The following ARID1B variants were observed in gnomAD, a reference collection of about 807,000 sequenced individuals.
The protein encoded by ARID1B is AT-rich interaction domain 1B.
A neutral mutation model predicts 212.3 loss-of-function variants in ARID1B; 30 were observed. That is an observed-to-expected ratio of 0.14 (90% CI 0.11 to 0.19). ARID1B has a LOEUF of 0.19. Among genes scored for constraint, ARID1B ranks in the 10% least tolerant of loss-of-function variants. The probability of loss-of-function intolerance (pLI) is 1.00; values close to 1 mark genes in which losing one functional copy is unlikely to be tolerated. For synonymous variants in ARID1B, 1,402 were observed against 1,301.7 expected, an observed-to-expected ratio of 1.08 and a Z score of -1.66; for missense variants, 2,891 against 3,204.0, an observed-to-expected ratio of 0.90 and a Z score of 2.36.
In ARID1B at chr6:157,186,722, A is replaced by G. The variant is rs571689599; in HGVS notation, c.3919+2287A>G. 2.2e-3 allele frequency: 779 copies of G among 349,996 alleles called. 13 individuals are homozygous for G. Among genetic ancestry groups the G allele is most frequent in the South Asian group, 0.017 (757 of 45,082 alleles). The allele number at this position is 349,996 out of a possible 1,614,324, so 21.7% of individuals were successfully genotyped here. ...CACTTTTTCCTGGAAGAACATAATT[A>G]TAGTTTATTTTTTACCAGCACATTC... On this transcript the variant is annotated intron_variant, in intron 13 of 19. Transcript: ENST00000636930.
At chr6:157,202,038 C>T (rs1360048994) in intron 18 of ARID1B, among the ~76,000 whole-genome samples, 10 of 152,066 alleles carry the variant, frequency 6.6e-5, no homozygotes, top group African/African-American at 1.7e-4. Context: ...AGTGAATTTC[C>T]GTGGGAAAAA....
chr6:157,153,182 A>C (rs1014683563), intron 8 of ARID1B, among the ~76,000 whole-genome samples: 1 of 152,246 alleles, frequency 6.6e-6, no homozygotes, highest in Non-Finnish European at 1.5e-5. Flanking sequence ...GCTGCATTGA[A>C]TAAATTAAGA....
intron 4 of ARID1B, among the ~76,000 whole-genome samples, chr6:157,002,701 T>C (rs1260345287): frequency 6.6e-6 from 1 of 152,254 alleles, no homozygotes; most frequent in Non-Finnish European, 1.5e-5. Context: ...TGATCTTTCA[T>C]TCAGCCCATT....
chr6:156,790,153 G>A (rs920734168), intron 1 of ARID1B, among the ~76,000 whole-genome samples: 1 of 152,162 alleles, frequency 6.6e-6, no homozygotes, highest in Non-Finnish European at 1.5e-5. Flanking sequence ...GTTTACTGTA[G>A]TTTGCCTGTT....
At chr6:157,039,544 A>C (rs948407876) in intron 4 of ARID1B, among the ~76,000 whole-genome samples, 1 of 152,002 alleles carries the variant, frequency 6.6e-6, no homozygotes, top group Middle Eastern at 3.4e-3. Context: ...GTTACCCAGG[A>C]TGGGACATTT....
chr6:156,808,842 C>T (rs1032468715), intron 1 of ARID1B, among the ~76,000 whole-genome samples: 3 of 152,092 alleles, frequency 2.0e-5, no homozygotes, highest in Admixed American at 6.5e-5. Flanking sequence ...TTTTTAGAGG[C>T]ACTAAAATCC....
chr6:156,796,844 G>A (rs1055759606), intron 1 of ARID1B, among the ~76,000 whole-genome samples: 1 of 152,222 alleles, frequency 6.6e-6, no homozygotes, highest in Non-Finnish European at 1.5e-5. Flanking sequence ...TGGGGTGGGC[G>A]TAGGAGCAGA....
At chr6:156,942,472 C>T (rs1309825096) in intron 4 of ARID1B, 1 of 152,278 alleles carries the variant, frequency 6.6e-6, no homozygotes, top group Non-Finnish European at 1.5e-5. Flanking sequence ...CCATGGGCCT[C>T]AGGCCAGCAG....
intron 6 of ARID1B, among the ~76,000 whole-genome samples, chr6:157,132,052 T>C (rs2128582018): frequency 6.6e-6 from 1 of 152,286 alleles, no homozygotes; most frequent in African/African-American, 2.4e-5. Context: ...TCCTGAAAGT[T>C]ATTCTGGCAC....
rs2114998583 is a variant in ARID1B, at chr6:156,779,195, G to A, written c.1515G>A (p.Leu505=). 1.5e-6 allele frequency: 2 copies of A among 1,331,082 alleles called. No individual in the cohort carries two copies. The highest frequency in any genetic ancestry group is 2.5e-5 in the Admixed American group (1 of 40,672). The allele number at this position is 1,331,082 out of a possible 1,614,324, so 82.5% of individuals were successfully genotyped here. A position where few individuals can be genotyped will look rare whatever the true frequency, so the allele number is the denominator to read the frequency against. The change falls in exon 1 of 20, where the codon CTG becomes CTA. Residue 505 remains leucine (L), a synonymous_variant. Transcript: ENST00000636930. ...GGGCCACCCCGACCCTCAATCAGCT[G>A]CTCACCTCGCCCAGCCCCATGATGC... ...PSGATPTLNQ[L]LTSPSPMMRS...
At chr6:156,828,218 C>T (rs754757459) in intron 1 of ARID1B, among the ~76,000 whole-genome samples, 1 of 152,160 alleles carries the variant, frequency 6.6e-6, no homozygotes, top group Non-Finnish European at 1.5e-5. Flanking sequence ...CCTGCCACCA[C>T]GCCTGGCTAA....
intron 2 of ARID1B, among the ~76,000 whole-genome samples, chr6:156,871,032 ATTAGTAT>A (rs1403018540): frequency 1.3e-5 from 2 of 152,164 alleles, no homozygotes; most frequent in Admixed American, 6.5e-5. Context: ...CCTAAAAGAG[ATTAGTAT>A]TTATGTCAGT....
chr6:156,856,936 A>G (rs952551191), intron 2 of ARID1B, among the ~76,000 whole-genome samples: 15 of 152,274 alleles, frequency 9.9e-5, no homozygotes, highest in South Asian at 8.3e-4. Context: ...AGGATGGGCT[A>G]TCTGACCTCA....
At chr6:156,837,849 G>A (rs1344121278) in intron 2 of ARID1B, among the ~76,000 whole-genome samples, 1 of 152,164 alleles carries the variant, frequency 6.6e-6, no homozygotes, top group Non-Finnish European at 1.5e-5. Context: ...CTCAGGCCTC[G>A]AGAGCAACTC....
intron 4 of ARID1B, among the ~76,000 whole-genome samples, chr6:157,003,727 C>A (rs549727438): frequency 1.8e-4 from 27 of 152,322 alleles, no homozygotes; most frequent in South Asian, 2.1e-4. Flanking sequence ...CTTGCTCTGT[C>A]ACCCAGGCTG....
chr6:157,162,818 A>G (rs991445891), intron 8 of ARID1B, among the ~76,000 whole-genome samples: 3 of 152,158 alleles, frequency 2.0e-5, no homozygotes, highest in Non-Finnish European at 4.4e-5. Context: ...TCACCCCCAC[A>G]GTGTGCATCT....
intron 5 of ARID1B, among the ~76,000 whole-genome samples, chr6:157,106,130 C>T (rs1309715377): frequency 6.6e-6 from 1 of 152,124 alleles, no homozygotes; most frequent in African/African-American, 2.4e-5. Context: ...TGTCTAAATG[C>T]CCATACACAG....
intron 2 of ARID1B, among the ~76,000 whole-genome samples, chr6:156,889,865 A>G (rs1386066891): frequency 6.6e-6 from 1 of 152,196 alleles, no homozygotes; most frequent in Non-Finnish European, 1.5e-5. Context: ...TTGGTTGACT[A>G]TACATTTGTT....
At chr6:157,117,007 A>G (rs988234339) in intron 6 of ARID1B, among the ~76,000 whole-genome samples, 1 of 152,214 alleles carries the variant, frequency 6.6e-6, no homozygotes, top group Non-Finnish European at 1.5e-5. Flanking sequence ...TGTCCAGCCA[A>G]ACATAGAGAT....
Sources: allele counts gnomAD v4.1 joint callset (sites outside exome capture counted in the v4.1 genomes callset), GRCh38; gene constraint gnomAD v4.1.1; transcripts MANE v1.5; gene names NCBI Gene and HGNC (gene_info 2026-07-23, HGNC 2026-07-21).